CTNNA2: variants seen among roughly 807,000 people sequenced by gnomAD.
CTNNA2 encodes catenin alpha-2.
A neutral mutation model predicts 101.0 loss-of-function variants in CTNNA2; 42 were observed. That is an observed-to-expected ratio of 0.42 (90% CI 0.32 to 0.54). The LOEUF (loss-of-function observed/expected upper bound fraction) is 0.54. CTNNA2 is among the 20% of genes least tolerant of loss of function. CTNNA2 has a pLI of 0.14. For missense variants in CTNNA2, 871 were observed against 1,223.1 expected, an observed-to-expected ratio of 0.71 and a Z score of 4.29; for synonymous variants, 450 against 456.4, an observed-to-expected ratio of 0.99 and a Z score of 0.18.
intron 1 of CTNNA2, among the ~76,000 whole-genome samples, chr2:79,519,054 C>T (rs747461897): frequency 3.3e-5 from 5 of 151,846 alleles, no homozygotes; most frequent in Non-Finnish European, 7.4e-5. Context: ...CATGATGAAA[C>T]CCTGTCTCTA....
intron 18 of CTNNA2, among the ~76,000 whole-genome samples, chr2:80,625,224 TTAGAA>T (rs1187724209): frequency 6.6e-6 from 1 of 152,182 alleles, no homozygotes; most frequent in Middle Eastern, 3.4e-3. Flanking sequence ...TTGCTTTTTA[TTAGAA>T]TAGCAATAGC....
At chr2:79,222,798 G>T (rs1178962959) in intron 2 of CTNNA2, among the ~76,000 whole-genome samples, 2 of 151,954 alleles carry the variant, frequency 1.3e-5, no homozygotes, top group African/African-American at 2.4e-5. Flanking sequence ...GGGCCCTTTG[G>T]GAGGTGATTA....
chr2:79,959,828 AT>A (rs1689506352), intron 7 of CTNNA2, among the ~76,000 whole-genome samples: 1 of 152,194 alleles, frequency 6.6e-6, no homozygotes, highest in Non-Finnish European at 1.5e-5. Flanking sequence ...ATCCATATCA[AT>A]TTGTCTCAGC....
intron 4 of CTNNA2, among the ~76,000 whole-genome samples, chr2:79,461,976 T>C (rs1053201816): frequency 1.5e-4 from 23 of 152,046 alleles, no homozygotes; most frequent in African/African-American, 5.5e-4. Context: ...GTTGAGGTGA[T>C]GAGAATGAGA....
intron 1 of CTNNA2, among the ~76,000 whole-genome samples, chr2:79,605,081 T>A (rs1677796376): frequency 6.9e-6 from 1 of 145,642 alleles, no homozygotes; most frequent in African/African-American, 2.8e-5. Context: ...AATGTTAAAA[T>A]TAGCAAAGAC....
intron 2 of CTNNA2, among the ~76,000 whole-genome samples, chr2:79,273,918 T>C (rs535315571): frequency 2.6e-5 from 4 of 152,138 alleles, no homozygotes; most frequent in South Asian, 2.1e-4. Context: ...TGAGCCCTGA[T>C]TCCGCTCTTT....
At chr2:80,456,938 T>C (rs896349414) in intron 9 of CTNNA2, among the ~76,000 whole-genome samples, 4 of 152,204 alleles carry the variant, frequency 2.6e-5, no homozygotes, top group African/African-American at 7.2e-5. Flanking sequence ...GGGGTGACTA[T>C]AGTTAACAAT....
intron 2 of CTNNA2, among the ~76,000 whole-genome samples, chr2:79,689,901 C>T (rs1227321843): frequency 6.6e-6 from 1 of 151,760 alleles, no homozygotes; most frequent in Non-Finnish European, 1.5e-5. Context: ...GATGAATTAA[C>T]ATTAATTTGT....
At chr2:80,606,419 A>T (rs1413155553) in intron 16 of CTNNA2, among the ~76,000 whole-genome samples, 1 of 134,878 alleles carries the variant, frequency 7.4e-6, no homozygotes, top group East Asian at 2.3e-4. Flanking sequence ...CACACCCCCC[A>T]GGATACATTT....
chr2:80,321,658 A>T (rs1479765990), intron 7 of CTNNA2, among the ~76,000 whole-genome samples: 1 of 152,124 alleles, frequency 6.6e-6, no homozygotes, highest in Admixed American at 6.5e-5. Flanking sequence ...GTCTTTTCTG[A>T]TATATCAAAA....
intron 7 of CTNNA2, among the ~76,000 whole-genome samples, chr2:79,996,605 G>A (rs1050932786): frequency 1.3e-5 from 2 of 152,138 alleles, no homozygotes; most frequent in Non-Finnish European, 2.9e-5. Flanking sequence ...AGTCACTGTA[G>A]AGCACTTGAG....
chr2:79,454,662 T>C (rs1670794401), intron 4 of CTNNA2, among the ~76,000 whole-genome samples: 1 of 152,030 alleles, frequency 6.6e-6, no homozygotes, highest in African/African-American at 2.4e-5. Context: ...AATAAATTTT[T>C]TGGAGGTTAA....
rs567131551 is a variant in CTNNA2, at chr2:80,591,457, G to GTT, written c.2189+1992_2189+1993dup. On this transcript the variant is annotated intron_variant, in intron 15 of 18. Coordinates refer to ENST00000402739, the MANE Select transcript of CTNNA2 (RefSeq NM_001282597.3). ...ATTGCTGCCTCCATCTGCACAGCCT[G>GTT]TTTTTTTTTTTTTTTTTTTTTGCAA... Among the ~76,000 whole-genome samples, 108 of 70,300 alleles carry GTT rather than the reference G, an allele frequency of 1.5e-3. 10 individuals carry two copies. The highest frequency in any genetic ancestry group is 4.3e-3 in the Admixed American group (24 of 5,624). 46.1% of individuals were successfully genotyped at this position (70,300 alleles called of 152,430 possible). A position where few individuals can be genotyped will look rare whatever the true frequency, so the allele number is the denominator to read the frequency against.
At chr2:80,515,218 AT>A (rs968970701) in intron 9 of CTNNA2, among the ~76,000 whole-genome samples, 19 of 149,574 alleles carry the variant, frequency 1.3e-4, no homozygotes, top group African/African-American at 4.7e-4. Flanking sequence ...TTCAAATAGG[AT>A]TTTTTTCTTG....
At chr2:79,680,527 T>A (rs6724630) in intron 2 of CTNNA2, among the ~76,000 whole-genome samples, 1 of 152,164 alleles carries the variant, frequency 6.6e-6, no homozygotes, top group African/African-American at 2.4e-5. Flanking sequence ...TTTCCTTGAA[T>A]GTACCACACT....
intron 1 of CTNNA2, among the ~76,000 whole-genome samples, chr2:79,641,403 T>C (rs187030541): frequency 6.6e-6 from 1 of 152,354 alleles, no homozygotes; most frequent in Admixed American, 6.5e-5. Flanking sequence ...AGAAGCTATG[T>C]TCCTATTAAA....
chr2:79,651,747 A>G (rs1047717261), intron 2 of CTNNA2, 89 bp downstream of exon 2: 1 of 1,090,474 alleles, frequency 9.2e-7, no homozygotes, highest in African/African-American at 1.6e-5. Context: ...CATCCTTAAA[A>G]GAGAATAAAT....
chr2:79,562,602 C>T (rs1162336052), intron 1 of CTNNA2, among the ~76,000 whole-genome samples: 2 of 151,970 alleles, frequency 1.3e-5, no homozygotes, highest in East Asian at 3.9e-4. Context: ...CATTACCCAG[C>T]ATTTCGCATC....
At chr2:79,834,512 T>G (rs1474319178) in intron 3 of CTNNA2, among the ~76,000 whole-genome samples, 1 of 152,146 alleles carries the variant, frequency 6.6e-6, no homozygotes, top group African/African-American at 2.4e-5. Flanking sequence ...TCAGTTGGTA[T>G]GCTTTTCATA....
Sources: gnomAD v4.1 joint callset for allele counts (sites outside exome capture counted in the v4.1 genomes callset) on GRCh38, gnomAD v4.1.1 for gene constraint, MANE v1.5 for transcripts, NCBI Gene and HGNC (gene_info 2026-07-23, HGNC 2026-07-21) for gene names.